NEO1: variants seen among roughly 807,000 people sequenced by gnomAD.
NEO1 encodes neogenin.
A neutral mutation model predicts 159.7 loss-of-function variants in NEO1; 63 were observed. The ratio of observed to expected loss-of-function variants is 0.39; its 90% CI spans 0.32 to 0.49. NEO1 has a LOEUF of 0.49. NEO1 is among the 20% of genes least tolerant of loss of function. The pLI is 0.85. For missense variants in NEO1, 1,615 were observed against 1,831.0 expected, an observed-to-expected ratio of 0.88 and a Z score of 2.15; for synonymous variants, 633 against 662.0, an observed-to-expected ratio of 0.96 and a Z score of 0.67.
chr15:73,170,156 A>G (rs1203675076), intron 5 of NEO1, among the ~76,000 whole-genome samples: 1 of 152,144 alleles, frequency 6.6e-6, no homozygotes, highest in Non-Finnish European at 1.5e-5. Flanking sequence ...TAAAATTGTA[A>G]TTGGACTATA....
At chr15:73,214,835 T>C (rs2037784783) in intron 7 of NEO1, among the ~76,000 whole-genome samples, 1 of 152,172 alleles carries the variant, frequency 6.6e-6, no homozygotes, top group East Asian at 1.9e-4. Context: ...GCATTTTGAA[T>C]GGGGATTGCA....
intron 1 of NEO1, among the ~76,000 whole-genome samples, chr15:73,115,846 A>G (rs1050833481): frequency 6.6e-6 from 1 of 152,226 alleles, no homozygotes; most frequent in Non-Finnish European, 1.5e-5. Context: ...TGCTCTTTAC[A>G]CTAAAATGAA....
intron 15 of NEO1, among the ~76,000 whole-genome samples, chr15:73,265,924 T>A (rs942690129): frequency 2.0e-5 from 3 of 152,230 alleles, no homozygotes; most frequent in African/African-American, 7.2e-5. Context: ...CCTTGTCTGT[T>A]CCCATCGCTG....
chr15:73,080,225 T>C (rs566799843), intron 1 of NEO1, among the ~76,000 whole-genome samples: 1 of 152,310 alleles, frequency 6.6e-6, no homozygotes, highest in East Asian at 1.9e-4. Flanking sequence ...TTTCTATCTG[T>C]CCTTAATTTT....
chr15:73,212,756 CAAAA>C (rs11418062), intron 7 of NEO1, among the ~76,000 whole-genome samples: 1 of 146,678 alleles, frequency 6.8e-6, no homozygotes, highest in African/African-American at 2.5e-5. Context: ...GGAAACAGCC[CAAAA>C]AAAAAGGAAA....
chr15:73,282,450 ACT>A (rs1437010581), intron 22 of NEO1, among the ~76,000 whole-genome samples: 2 of 152,134 alleles, frequency 1.3e-5, no homozygotes, highest in African/African-American at 4.8e-5. Context: ...AAGAGAATTA[ACT>A]CTGCGTAGGC....
At chr15:73,070,881 GA>G (rs1303254923) in intron 1 of NEO1, among the ~76,000 whole-genome samples, 1 of 152,208 alleles carries the variant, frequency 6.6e-6, no homozygotes, top group African/African-American at 2.4e-5. Flanking sequence ...TGTGGATAAG[GA>G]GGGACTGCTG....
chr15:73,122,750 G>A lies in NEO1; in HGVS notation c.674G>A (p.Ser225Asn), dbSNP rs1272056634. ...DGGLYRCVVE[S>N]GGPPKYSDEV... ...GGGCTTTATCGCTGCGTAGTGGAAAGTGGTGGGCCACCAAAGTATAGTGAT... is the reference window on the plus strand; with the variant it reads ...GGGCTTTATCGCTGCGTAGTGGAAAATGGTGGGCCACCAAAGTATAGTGAT... Residue 225 changes from serine (S) to asparagine (N), a missense_variant, in exon 3 of 29, where the codon AGT becomes AAT. Transcript: ENST00000261908. 1 of 1,614,242 alleles carries A rather than the reference G, an allele frequency of 6.2e-7. No individual in the cohort carries two copies. Among genetic ancestry groups the A allele is most frequent in the South Asian group, 1.1e-5 (1 of 91,090 alleles).
chr15:73,209,757 C>T lies in NEO1; in HGVS notation c.1292-26590C>T, dbSNP rs556546646. Among the ~76,000 whole-genome samples, 13 of 152,080 alleles carry T rather than the reference C, an allele frequency of 8.5e-5. No individual in the cohort carries two copies. In the South Asian group the frequency reaches 1.3e-3, roughly 15 times the overall value. ...CTGTAATTCCAGCACTTTGGGAGGCCGAGGCAGGTGGATCATCTGAGGTCA... is the reference window on the plus strand; with the variant it reads ...CTGTAATTCCAGCACTTTGGGAGGCTGAGGCAGGTGGATCATCTGAGGTCA... On this transcript the variant is annotated intron_variant, in intron 7 of 28. Transcript: ENST00000261908.
At chr15:73,112,497 T>A (rs1011929403) in intron 1 of NEO1, among the ~76,000 whole-genome samples, 3 of 152,194 alleles carry the variant, frequency 2.0e-5, no homozygotes, top group Non-Finnish European at 4.4e-5. Context: ...CTATTTTGAT[T>A]TAAAAGGCTG....
chr15:73,180,066 A>G (rs925441846), intron 7 of NEO1, among the ~76,000 whole-genome samples: 1 of 152,146 alleles, frequency 6.6e-6, no homozygotes, highest in African/African-American at 2.4e-5. Context: ...TGCATTATTC[A>G]TTTGTTTTAG....
chr15:73,145,208 A>G (rs1054031708), intron 5 of NEO1, among the ~76,000 whole-genome samples: 1 of 152,242 alleles, frequency 6.6e-6, no homozygotes, highest in Non-Finnish European at 1.5e-5. Context: ...TGACCTGAAA[A>G]GAGTTCAACC....
intron 1 of NEO1, among the ~76,000 whole-genome samples, chr15:73,057,419 T>C (rs557375458): frequency 1.8e-4 from 27 of 152,312 alleles, no homozygotes; most frequent in Admixed American, 1.3e-3. Context: ...GATTGGGAGC[T>C]ATTTACCATA....
At chr15:73,275,378 G>A (rs1365573160) in intron 21 of NEO1, among the ~76,000 whole-genome samples, 18 of 152,218 alleles carry the variant, frequency 1.2e-4, no homozygotes, top group African/African-American at 1.9e-4. Flanking sequence ...GGCCACGTAC[G>A]GTGGCTCAGG....
At chr15:73,122,228 A>G (rs2071709460) in intron 2 of NEO1, among the ~76,000 whole-genome samples, 1 of 151,442 alleles carries the variant, frequency 6.6e-6, no homozygotes, top group African/African-American at 2.4e-5. Flanking sequence ...TAAAACCATG[A>G]TGTTTACACT....
chr15:73,116,388 AT>A, intron 1 of NEO1, 151 bp from the exon 2 acceptor site: 1 of 585,736 alleles, frequency 1.7e-6, no homozygotes, highest in Non-Finnish European at 2.6e-6. Context: ...AGTAAATCTT[AT>A]TTATTAGACA....
intron 1 of NEO1, among the ~76,000 whole-genome samples, chr15:73,110,650 A>T (rs2070928844): frequency 6.6e-6 from 1 of 152,208 alleles, no homozygotes; most frequent in South Asian, 2.1e-4. Context: ...ATAGTCTATC[A>T]AGAAGTGAGA....
chr15:73,230,734 G>A (rs562837428), intron 7 of NEO1, among the ~76,000 whole-genome samples: 1 of 152,202 alleles, frequency 6.6e-6, no homozygotes, highest in African/African-American at 2.4e-5. Context: ...GGGACTACAG[G>A]TGCACACCAG....
At chr15:73,138,440 A>G (rs945166271) in intron 5 of NEO1, among the ~76,000 whole-genome samples, 4 of 152,232 alleles carry the variant, frequency 2.6e-5, no homozygotes, top group African/African-American at 9.6e-5. Context: ...TACCTGGGAA[A>G]TACTGCAAGA....
Sources: allele counts gnomAD v4.1 joint callset (sites outside exome capture counted in the v4.1 genomes callset), GRCh38; gene constraint gnomAD v4.1.1; transcripts MANE v1.5; gene names NCBI Gene and HGNC (gene_info 2026-07-23, HGNC 2026-07-21).